Variants in TRPV1 observed in about 807,000 individuals in gnomAD.
TRPV1 encodes the protein OTRPC1.
In TRPV1, 82 loss-of-function variants were observed where a neutral mutation model predicts 82.3. The ratio of observed to expected loss-of-function variants is 1.00; its 90% CI spans 0.83 to 1.20. The LOEUF is 1.20. TRPV1 is among the 50% of genes most tolerant of loss of function. The pLI, the probability that TRPV1 is intolerant of heterozygous loss-of-function variation, is 0.00. For synonymous variants in TRPV1, 515 were observed against 467.7 expected (o/e 1.10, Z -1.30); for missense variants, 1,067 against 1,096.8 (o/e 0.97, Z 0.38).
intron 9 of TRPV1, among the ~76,000 whole-genome samples, chr17:3,583,696 G>T (rs942812015): frequency 6.6e-6 from 1 of 152,232 alleles, no homozygotes; most frequent in African/African-American, 2.4e-5. Context: ...CAGGCCCAGA[G>T]CTCCTCCTGG....
At chr17:3,574,538 T>G (rs180816588) in intron 13 of TRPV1, among the ~76,000 whole-genome samples, 22 of 152,106 alleles carry the variant, frequency 1.4e-4, no homozygotes, top group African/African-American at 5.3e-4. Context: ...CAGGTGCCCA[T>G]CCCTCCCAGC....
At chr17:3,593,152 C>CT in intron 2 of TRPV1, among the ~76,000 whole-genome samples, 1 of 147,912 alleles carries the variant, frequency 6.8e-6, no homozygotes, top group Non-Finnish European at 1.5e-5. Flanking sequence ...GTGTCTCACT[C>CT]TGTCGCCCAG....
rs1423385327 is a variant in TRPV1 at position 3,606,150 on chromosome 17, G to A, written c.-34+2277C>T. On this transcript the variant is annotated intron_variant, in intron 2 of 16. Coordinates refer to ENST00000572705, the MANE Select transcript of TRPV1 (RefSeq NM_080704.4). ...ATTTTTTTGTATTTTTAGTAGAGAC[G>A]GGGTTTCACCATGTTGGCCAGGCCG... Among the ~76,000 whole-genome samples the A allele has an allele frequency of 2.6e-5, 4 of 152,128 alleles. No homozygotes were observed. In the South Asian group the frequency reaches 6.2e-4, roughly 24 times the overall value.
intron 5 of TRPV1, 128 bp from the exon 6 acceptor site, chr17:3,590,520 AC>A (rs1486710600): frequency 2.0e-5 from 28 of 1,378,636 alleles, no homozygotes; most frequent in South Asian, 6.1e-5. Context: ...TGCCTGGAGG[AC>A]CCCCCCACTG....
chr17:3,586,307 G>C (rs919452052), intron 8 of TRPV1, among the ~76,000 whole-genome samples: 1 of 152,224 alleles, frequency 6.6e-6, no homozygotes, highest in Non-Finnish European at 1.5e-5. Flanking sequence ...CTCAGGGCAG[G>C]CAGGAAAGAG....
At chr17:3,592,609 C>G (rs1355556793) in intron 2 of TRPV1, 3 of 534,290 alleles carry the variant, frequency 5.6e-6, no homozygotes, top group Non-Finnish European at 1.0e-5. Context: ...CCTGCGGCCA[C>G]TGACGTCGGC....
intron 13 of TRPV1, among the ~76,000 whole-genome samples, chr17:3,576,434 C>T (rs1162242625): frequency 2.0e-5 from 3 of 151,624 alleles, no homozygotes; most frequent in Admixed American, 6.6e-5. Flanking sequence ...AGGCGGATCA[C>T]GAGGTCAGGA....
intron 3 of TRPV1, 51 bp from the exon 4 acceptor site, chr17:3,591,404 T>G (rs1002432335): frequency 2.6e-6 from 4 of 1,518,592 alleles, no homozygotes; most frequent in Middle Eastern, 1.8e-4. Flanking sequence ...CCCTCGGCCC[T>G]GAGGCCTTCG....
intron 16 of TRPV1, among the ~76,000 whole-genome samples, chr17:3,569,984 G>GTGGT (rs1567656454): frequency 5.9e-5 from 8 of 136,422 alleles, no homozygotes; most frequent in Non-Finnish European, 9.0e-5. Context: ...GAGGGGCCAA[G>GTGGT]CGGTCAGGGA....
At position 3,573,894 on chromosome 17, in the gene TRPV1, G is replaced by A; in HGVS notation, c.1842C>T (p.His614=). The change falls in exon 14 of 17, where the codon CAC becomes CAT. Residue 614 remains histidine, a synonymous_variant. Coordinates refer to ENST00000572705, the MANE Select transcript of TRPV1 (RefSeq NM_080704.4). ...GCCTGCAGGCAGGCCCCCGCCACCTGTGCGACGTGGACTCAGACGGCAGGG... is the reference window on the plus strand; with the variant it reads ...GCCTGCAGGCAGGCCCCCGCCACCTATGCGACGTGGACTCAGACGGCAGGG... ...NDSLPSESTS[H]RWRGPACRPP... 1.9e-6 allele frequency: 3 copies of A among 1,610,926 alleles called. No individual in the cohort carries two copies. The highest frequency in any genetic ancestry group is 2.5e-6 in the Non-Finnish European group (3 of 1,179,266).
At chr17:3,583,316 C>T (rs1044641276) in intron 10 of TRPV1, 22 bp downstream of exon 10, 4 of 1,585,358 alleles carry the variant, frequency 2.5e-6, no homozygotes, top group Non-Finnish European at 3.4e-6. Context: ...TGGAAACTCA[C>T]AATGTGGGAA....
rs568541386 is a variant in TRPV1, at chr17:3,594,092, C to G, written c.-33-1709G>C. On this transcript the variant is annotated intron_variant, in intron 2 of 16. Coordinates refer to ENST00000572705, the MANE Select transcript of TRPV1 (RefSeq NM_080704.4). ...ACAGTGAGCTGAGACTGTGCCACTG[C>G]ACTCCAGCCTGGGCAACAGAGTGAA... is the stretch of plus-strand genomic sequence containing the variant. 5.1e-5 allele frequency among the ~76,000 whole-genome samples: 7 copies of G among 137,120 alleles called. No individual in the cohort carries two copies. In the South Asian group the frequency reaches 1.6e-3, roughly 32 times the overall value. 90.0% of individuals were successfully genotyped at this position (137,120 alleles called of 152,430 possible).
In TRPV1 at chr17:3,566,808, G is replaced by A; in HGVS notation, c.*7C>T. ...CCAGTGTTGACAGTGCTGTCTGCGT[G>A]ACGTCCTCACTTCTCCCCGGAAGCG... On this transcript the variant is annotated 3_prime_UTR_variant, in exon 17 of 17. Transcript: ENST00000572705. 1.2e-6 allele frequency: 2 copies of A among 1,613,170 alleles called. No individual in the cohort carries two copies. Among genetic ancestry groups the A allele is most frequent in the Non-Finnish European group, 1.7e-6 (2 of 1,179,596 alleles).
At position 3,582,146 on chromosome 17, in the gene TRPV1, T is replaced by C. The variant is rs780713917; in HGVS notation, c.1476+1192A>G. On this transcript the variant is annotated intron_variant, in intron 10 of 16. Transcript: ENST00000572705. Reference sequence around the variant, plus strand: ...CGGAGCTTGCAGTGAGTGGAGATTGTGCCACTGCACTCCAGCCTGGGCGAA... The same window carrying C: ...CGGAGCTTGCAGTGAGTGGAGATTGCGCCACTGCACTCCAGCCTGGGCGAA... 2.2e-3 allele frequency among the ~76,000 whole-genome samples: 286 copies of C among 129,536 alleles called. 1 individual carries two copies. The highest frequency in any genetic ancestry group is 3.7e-3 in the Non-Finnish European group (240 of 64,112). The allele number at this position is 129,536 out of a possible 152,430, so 85.0% of individuals were successfully genotyped here.
At chr17:3,571,366 G>A (rs3826503) in intron 16 of TRPV1, among the ~76,000 whole-genome samples, 158 bp downstream of exon 16, 26,765 of 152,174 alleles carry the variant, frequency 0.18, 2,874 homozygotes, top group East Asian at 0.53. Context: ...AAGTCAGCCC[G>A]TGACTATGTG....
chr17:3,601,976 AATG>A (rs1231543863), intron 2 of TRPV1: 1 of 152,194 alleles, frequency 6.6e-6, no homozygotes, highest in Non-Finnish European at 1.5e-5. Flanking sequence ...TCATGGCCAC[AATG>A]ATGACAACAG....
At chr17:3,589,032 T>G in intron 7 of TRPV1, 1 of 1,410,934 alleles carries the variant, frequency 7.1e-7, no homozygotes, top group Non-Finnish European at 9.7e-7. Context: ...ATGCCTGTAA[T>G]CCCAGCTACT....
chr17:3,569,029 A>C (rs2074812244), intron 16 of TRPV1, among the ~76,000 whole-genome samples: 1 of 151,842 alleles, frequency 6.6e-6, no homozygotes, highest in Admixed American at 6.6e-5. Context: ...AAAAAACGAA[A>C]CACCACATGT....
At chr17:3,571,161 T>C (rs2074847118) in intron 16 of TRPV1, among the ~76,000 whole-genome samples, 2 of 152,226 alleles carry the variant, frequency 1.3e-5, no homozygotes, top group Admixed American at 6.5e-5. Context: ...GGACGTCGCA[T>C]GCACACGTGC....
Sources: gnomAD v4.1 joint callset for allele counts (sites outside exome capture counted in the v4.1 genomes callset) on GRCh38, gnomAD v4.1.1 for gene constraint, MANE v1.5 for transcripts, NCBI Gene and HGNC (gene_info 2026-07-23, HGNC 2026-07-21) for gene names.